PFKFB3: variants seen among roughly 807,000 people sequenced by gnomAD.
The protein encoded by PFKFB3 is 6-phosphofructo-2-kinase/fructose-2,6-biphosphatase 3.
In PFKFB3, 33 loss-of-function variants were observed where a neutral mutation model predicts 68.0. The ratio of observed to expected loss-of-function variants is 0.49; its 90% confidence interval spans 0.37 to 0.65. The LOEUF (loss-of-function observed/expected upper bound fraction) is 0.65. Among genes scored for constraint, PFKFB3 ranks in the 30% least tolerant of loss-of-function variants. The pLI, the probability that PFKFB3 is intolerant of heterozygous loss-of-function variation, is 0.00. For missense variants in PFKFB3, 586 were observed against 712.2 expected (o/e 0.82, Z 2.02); for synonymous variants, 315 against 288.2 (o/e 1.09, Z -0.94).
upstream of PFKFB3, among the ~76,000 whole-genome samples, chr10:6,200,124 T>G (rs192367440): frequency 6.6e-6 from 1 of 152,286 alleles, no homozygotes; most frequent in African/African-American, 2.4e-5. Flanking sequence ...TACTCTAATC[T>G]CAACTCCCTT....
rs561120271 is a variant in PFKFB3 at position 6,144,989 on chromosome 10, C to T, written c.-9C>T. 1.4e-5 allele frequency: 18 copies of T among 1,320,184 alleles called. No homozygotes were observed. The African/African-American group carries it at 2.0e-4, about 15-fold the overall frequency. 81.8% of individuals were successfully genotyped at this position (1,320,184 alleles called of 1,614,324 possible). On this transcript the variant is annotated 5_prime_UTR_variant, in exon 1 of 15. Coordinates refer to the PFKFB3 transcript ENST00000379789. ...GCGGGCCGGCCCCGCGGGGAGCGCC[C>T]CCGGCGCGATGCCCTTCAGGAAAGG...
chr10:6,242,134 T>C (rs1846155456), intron 14 of PFKFB3, among the ~76,000 whole-genome samples: 2 of 152,216 alleles, frequency 1.3e-5, no homozygotes, highest in Non-Finnish European at 2.9e-5. Flanking sequence ...TTATGCTACC[T>C]TGCCAGGCCC....
chr10:6,318,601 G>A, the PFKFB3 span, among the ~76,000 whole-genome samples: 2 of 152,136 alleles, frequency 1.3e-5, no homozygotes, highest in Non-Finnish European at 2.9e-5. Context: ...CTCATTTTGC[G>A]CTTTTGCCTG....
chr10:6,189,417 C>T (rs1842966665), intron 1 of PFKFB3, among the ~76,000 whole-genome samples: 1 of 151,630 alleles, frequency 6.6e-6, no homozygotes, highest in African/African-American at 2.4e-5. Flanking sequence ...TCTGTTGCTT[C>T]TTCCTAATTA....
At position 6,170,492 on chromosome 10, in the gene PFKFB3, G is replaced by A. The variant is rs541411175; in HGVS notation, c.16+25479G>A. Among the ~76,000 whole-genome samples the A allele has an allele frequency of 2.6e-5, 4 of 152,346 alleles. No homozygotes were observed. The South Asian group carries it at 8.3e-4, about 32-fold the overall frequency. ...AGCACTTTGGGAAGGAGGATTGCCT[G>A]AGGCCAGGAGTTTGAGACTGGCCTG... is the stretch of plus-strand genomic sequence containing the variant. On this transcript the variant is annotated intron_variant, in intron 1 of 14. Coordinates refer to the PFKFB3 transcript ENST00000379789.
chr10:6,191,801 C>G (rs937244459), intron 1 of PFKFB3, among the ~76,000 whole-genome samples: 1 of 152,132 alleles, frequency 6.6e-6, no homozygotes, highest in Non-Finnish European at 1.5e-5. Flanking sequence ...ACGCGATGCA[C>G]GACAACCCCC....
chr10:6,275,317 C>T, the PFKFB3 span, among the ~76,000 whole-genome samples: 2 of 152,210 alleles, frequency 1.3e-5, no homozygotes, highest in African/African-American at 4.8e-5. This position sits in a 1 kb window ranked among gnomAD's most constrained non-coding sequence, Gnocchi z 4.9. Flanking sequence ...GTCTGTGACT[C>T]GGCGAAGGAG....
chr10:6,308,700 A>C, the PFKFB3 span, among the ~76,000 whole-genome samples: 1 of 152,204 alleles, frequency 6.6e-6, no homozygotes, highest in South Asian at 2.1e-4. Flanking sequence ...CTTCCTATTT[A>C]TTATACTGTG....
rs1364810772 is a variant in PFKFB3 at position 6,244,229 on chromosome 10, TGAA to T, written c.1516-9946_1516-9944del. Among the ~76,000 whole-genome samples, 6 of 152,222 alleles carry T rather than the reference TGAA, an allele frequency of 3.9e-5. No individual in the cohort carries two copies. In the East Asian group the frequency reaches 1.2e-3, roughly 29 times the overall value. On this transcript the variant is annotated intron_variant, in intron 14 of 14. Transcript: ENST00000640683. ...TTAACTCAGCTGTTTGGATGTCAAA[TGAA>T]GAGCAGACATCAACTCGCTTGTTAG...
Position 6,216,203 on chromosome 10 carries a change from C to T in PFKFB3, c.366+12C>T, listed in dbSNP as rs1214188863. 1.2e-6 allele frequency: 2 copies of T among 1,613,034 alleles called. No individual in the cohort carries two copies. The highest frequency in any genetic ancestry group is 2.7e-5 in the African/African-American group (2 of 74,924). On this transcript the variant is annotated intron_variant, in intron 4 of 14. Transcript: ENST00000379775. ...GGGGACAAATTGCGGTAAGTCCAGG[C>T]AATGTAGCCGGCTCGGTGTCCAGTC...
chr10:6,221,816 C>A, intron 10 of PFKFB3, 71 bp downstream of exon 10: 1 of 1,055,490 alleles, frequency 9.5e-7, no homozygotes, highest in Non-Finnish European at 1.4e-6. Context: ...CTGGGCCACC[C>A]CTCCAGGGAG....
At chr10:6,314,959 G>A in the PFKFB3 span, among the ~76,000 whole-genome samples, 34 of 152,296 alleles carry the variant, frequency 2.2e-4, no homozygotes, top group South Asian at 7.0e-3. Flanking sequence ...TTGAATAGCA[G>A]AGTCCAGGCA....
intron 9 of PFKFB3, 44 bp downstream of exon 9, chr10:6,221,571 G>A (rs1844961728): frequency 3.1e-6 from 5 of 1,612,048 alleles, no homozygotes; most frequent in East Asian, 4.5e-5. Context: ...CTCGGGCATG[G>A]GGCGGCTTCC....
chr10:6,175,443 C>T (rs1300026800), intron 1 of PFKFB3, among the ~76,000 whole-genome samples: 1 of 152,178 alleles, frequency 6.6e-6, no homozygotes, highest in African/African-American at 2.4e-5. Context: ...AGTGTGGGGA[C>T]CACAGTGCTG....
rs1029423987 is a variant in PFKFB3 at position 6,221,320 on chromosome 10, C to T, written c.832-61C>T. 1.3e-5 allele frequency: 20 copies of T among 1,597,824 alleles called. No homozygotes were observed. The African/African-American group carries it at 2.7e-4, about 21-fold the overall frequency. On this transcript the variant is annotated intron_variant, in intron 8 of 14. Transcript: ENST00000379775. ...CCCTACGTGGGCTGCCTGCTCCAGC[C>T]CTGGCTCTTGGAGGAGCTGCGGGCA...
At chr10:6,274,557 C>T in the PFKFB3 span, among the ~76,000 whole-genome samples, 1 of 152,166 alleles carries the variant, frequency 6.6e-6, no homozygotes, top group East Asian at 1.9e-4. Flanking sequence ...TTCAAGACAT[C>T]TGCAACAGGC....
chr10:6,267,209 G>A, the PFKFB3 span, among the ~76,000 whole-genome samples: 1 of 152,194 alleles, frequency 6.6e-6, no homozygotes, highest in Non-Finnish European at 1.5e-5. Flanking sequence ...AGCTTGTATA[G>A]GCATATGTAT....
At chr10:6,245,580 C>A (rs1179966553) in intron 14 of PFKFB3, among the ~76,000 whole-genome samples, 2 of 152,028 alleles carry the variant, frequency 1.3e-5, no homozygotes, top group East Asian at 3.8e-4. Flanking sequence ...CCACACCCAG[C>A]CAATTTTTGT....
chr10:6,222,843 C>G lies in PFKFB3; in HGVS notation c.1084-12C>G, dbSNP rs1284640844. The G allele has an allele frequency of 1.2e-6, 2 of 1,610,344 alleles. No individual in the cohort carries two copies. The highest frequency in any genetic ancestry group is 1.3e-5 in the African/African-American group (1 of 74,954). On this transcript the variant is annotated splice_polypyrimidine_tract_variant and intron_variant, in intron 10 of 14. Transcript: ENST00000379775. ...GCCCTGAGCTCACGTGGGCCCGGCC[C>G]TCTGTGCTCAGTCCTACCAGGACCT...
Sources: gnomAD v4.1 joint callset for allele counts (sites outside exome capture counted in the v4.1 genomes callset) on GRCh38, gnomAD v4.1.1 for gene constraint, Gnocchi (gnomAD v3.1) non-coding constraint, MANE v1.5 for transcripts, NCBI Gene and HGNC (gene_info 2026-07-23, HGNC 2026-07-21) for gene names.